NHSL2: variants seen among roughly 807,000 people sequenced by gnomAD.
The protein encoded by NHSL2 is NHS like 2.
NHSL2 carries 27 observed loss-of-function variants against 53.4 expected under a neutral mutation model. That is an observed-to-expected ratio of 0.51 (90% confidence interval 0.37 to 0.70). The LOEUF (loss-of-function observed/expected upper bound fraction) is 0.70. Among genes scored for constraint, NHSL2 ranks in the 30% least tolerant of loss-of-function variants. NHSL2 has a pLI of 0.00. For missense variants in NHSL2, 892 were observed against 980.1 expected, an observed-to-expected ratio of 0.91 and a Z score of 1.20; for synonymous variants, 408 against 404.1, an observed-to-expected ratio of 1.01 and a Z score of -0.12.
In NHSL2 at chrX:72,134,139, T is replaced by C. The variant is rs1213645693; in HGVS notation, c.485T>C (p.Phe162Ser). 1 of 1,165,039 alleles carries C rather than the reference T, an allele frequency of 8.6e-7. No homozygotes were observed. Among genetic ancestry groups the C allele is most frequent in the Non-Finnish European group, 1.1e-6 (1 of 871,209 alleles). The change falls in exon 3 of 8, where the codon TTC becomes TCC. Residue 162 changes from phenylalanine to serine, a missense_variant. Phe to Ser is a radical substitution (Grantham distance 155, BLOSUM62 -2). Coordinates refer to ENST00000633930, the MANE Select transcript of NHSL2 (RefSeq NM_001013627.3). The stretch of plus-strand genomic sequence containing the variant: ...GAGGCCAGACTTGTGGGGCAGACCT[T>C]CCGCTCTTCTGATGAGGCCACTAAG... The part of the protein sequence containing the change: ...YSEARLVGQT[F>S]RSSDEATKPT...
intron 1 of NHSL2, among the ~76,000 whole-genome samples, chrX:72,119,286 T>A (rs893891391): frequency 8.0e-5 from 9 of 112,068 alleles, no homozygotes; most frequent in Non-Finnish European, 1.3e-4. Flanking sequence ...GATTTTAGGA[T>A]CAGGTGGTCA....
At chrX:72,072,557 A>G (rs1463282391) in intron 1 of NHSL2, among the ~76,000 whole-genome samples, 2 of 111,593 alleles carry the variant, frequency 1.8e-5, no homozygotes, top group Non-Finnish European at 3.8e-5. Flanking sequence ...CAGCATTACC[A>G]TGCTTTCACT....
chrX:72,011,616 G>A (rs961664018), intron 1 of NHSL2, among the ~76,000 whole-genome samples: 4 of 111,124 alleles, frequency 3.6e-5, no homozygotes, highest in Non-Finnish European at 7.6e-5. Context: ...GTTGCAGTGA[G>A]CTGAGATCTT....
chrX:71,964,043 G>GTGTGTGTGTATATATATATATGTA (rs1319267507), intron 1 of NHSL2, among the ~76,000 whole-genome samples: 2 of 53,090 alleles, frequency 3.8e-5, no homozygotes, highest in African/African-American at 7.3e-5. Flanking sequence ...ATATATATAT[G>GTGTGTGTGTATATATATATATGTA]TATATATATA....
At chrX:71,980,441 TG>T (rs1381609584) in intron 1 of NHSL2, among the ~76,000 whole-genome samples, 1 of 111,168 alleles carries the variant, frequency 9.0e-6, no homozygotes, top group Non-Finnish European at 1.9e-5. Context: ...ATTTTGTTGT[TG>T]GGCTCACATC....
chrX:71,942,163 T>A (rs1319659546), intron 1 of NHSL2, among the ~76,000 whole-genome samples: 1 of 111,987 alleles, frequency 8.9e-6, no homozygotes, highest in Non-Finnish European at 1.9e-5. Flanking sequence ...AGAGCTCTAG[T>A]GAGAGGATTT....
At chrX:72,041,010 G>A (rs1381668754) in intron 1 of NHSL2, among the ~76,000 whole-genome samples, 2 of 112,343 alleles carry the variant, frequency 1.8e-5, no homozygotes, top group Admixed American at 9.4e-5. Flanking sequence ...CGTTGGGCTA[G>A]ATGTAGTGAG....
chrX:72,041,805 C>T (rs151102904), intron 1 of NHSL2, among the ~76,000 whole-genome samples: 1,691 of 112,313 alleles, frequency 0.015, 9 homozygotes, highest in Middle Eastern at 0.023. Context: ...CTTTCTGGGT[C>T]CAAATGTTTT....
intron 1 of NHSL2, among the ~76,000 whole-genome samples, chrX:72,105,404 AG>A (rs1324862723): frequency 3.6e-5 from 4 of 111,337 alleles, no homozygotes; most frequent in Non-Finnish European, 7.5e-5. Context: ...TAGGAGTCCC[AG>A]GGACAGGGAG....
rs1323344849 is a variant in NHSL2 at position 72,149,370 on chromosome X, G to T, written c.*5796G>T. 1 of 111,687 alleles carries T rather than the reference G, an allele frequency of 9.0e-6. No homozygotes were observed. Among genetic ancestry groups the T allele is most frequent in the Non-Finnish European group, 1.9e-5 (1 of 53,141 alleles). 9.2% of individuals were successfully genotyped at this position (111,687 alleles called of 1,213,427 possible). On this transcript the variant is annotated 3_prime_UTR_variant, in exon 8 of 8. Coordinates refer to ENST00000633930, the MANE Select transcript of NHSL2 (RefSeq NM_001013627.3). ...TTTTAAGATTTTTGCCTAAATAGTAGAATTTGATAGCAACGAACTCCAAAA... is the reference window on the plus strand; with the variant it reads ...TTTTAAGATTTTTGCCTAAATAGTATAATTTGATAGCAACGAACTCCAAAA...
At chrX:71,997,295 C>T (rs1004343967) in intron 1 of NHSL2, among the ~76,000 whole-genome samples, 1 of 111,762 alleles carries the variant, frequency 8.9e-6, no homozygotes, top group African/African-American at 3.3e-5. Flanking sequence ...GGAGGCCTTA[C>T]AGCCTCCCTC....
intron 1 of NHSL2, among the ~76,000 whole-genome samples, chrX:72,125,718 G>A (rs985153735): frequency 8.1e-5 from 9 of 111,762 alleles, no homozygotes; most frequent in Admixed American, 1.9e-4. Context: ...GACCTTGTCA[G>A]GCACCCTGAA....
At chrX:72,029,421 G>A (rs1232542771) in intron 1 of NHSL2, among the ~76,000 whole-genome samples, 1 of 112,452 alleles carries the variant, frequency 8.9e-6, no homozygotes. Flanking sequence ...GGGTGTTTGC[G>A]ACTGAACTGG....
At chrX:72,108,755 G>A (rs1051998442) in intron 1 of NHSL2, among the ~76,000 whole-genome samples, 27 of 112,019 alleles carry the variant, frequency 2.4e-4, no homozygotes, top group African/African-American at 8.4e-4. Context: ...AGGGAAGAAG[G>A]AAACGCTGAG....
intron 1 of NHSL2, among the ~76,000 whole-genome samples, chrX:72,098,295 A>G (rs752811378): frequency 1.5e-4 from 17 of 112,215 alleles, no homozygotes; most frequent in Admixed American, 1.9e-4. Context: ...AGAAAGAGGA[A>G]GTTGGCCGGG....
At chrX:71,998,880 A>G (rs1412410157) in intron 1 of NHSL2, among the ~76,000 whole-genome samples, 3 of 111,832 alleles carry the variant, frequency 2.7e-5, no homozygotes, top group Non-Finnish European at 5.6e-5. Flanking sequence ...CACCAGTCAC[A>G]CTGGAGGGCC....
intron 1 of NHSL2, chrX:72,129,916 T>G: frequency 2.5e-6 from 3 of 1,211,006 alleles, no homozygotes; most frequent in Non-Finnish European, 3.4e-6. Flanking sequence ...TCTTCGAACT[T>G]GGCGTTGTCC....
intron 1 of NHSL2, among the ~76,000 whole-genome samples, chrX:72,076,538 G>A (rs1334800548): frequency 8.9e-6 from 1 of 111,895 alleles, no homozygotes; most frequent in African/African-American, 3.3e-5. Context: ...TGACCTCTGG[G>A]ATTTCCTCAT....
intron 1 of NHSL2, chrX:72,129,824 C>A (rs1430626680): frequency 8.5e-7 from 1 of 1,183,368 alleles, no homozygotes; most frequent in African/African-American, 1.8e-5. Flanking sequence ...CCATCTGGCC[C>A]CAGCACTCAA....
Sources: allele counts gnomAD v4.1 joint callset (sites outside exome capture counted in the v4.1 genomes callset), GRCh38; gene constraint gnomAD v4.1.1; transcripts MANE v1.5; gene names NCBI Gene and HGNC (gene_info 2026-07-23, HGNC 2026-07-21).